Variants in WDR59 observed in about 807,000 individuals in gnomAD.
WDR59 encodes WD repeat domain 59, also known as GATOR2 complex protein WDR59.
A neutral mutation model predicts 131.2 loss-of-function variants in WDR59; 100 were observed. That is an observed-to-expected ratio of 0.76 (90% CI 0.65 to 0.90). The LOEUF is 0.90. WDR59 is among the 40% of genes least tolerant of loss of function. The pLI is 0.00. For missense variants in WDR59, 1,203 were observed against 1,262.2 expected (o/e 0.95, Z 0.71); for synonymous variants, 601 against 466.2 (o/e 1.29, Z -3.72).
intron 25 of WDR59, among the ~76,000 whole-genome samples, chr16:74,882,932 A>G (rs1192498834): frequency 6.7e-6 from 1 of 149,026 alleles, no homozygotes; most frequent in African/African-American, 2.4e-5. Flanking sequence ...TACAAAACCC[A>G]GCATTCCCTG....
At chr16:74,887,943 C>T (rs1265993891) in intron 22 of WDR59, among the ~76,000 whole-genome samples, 188 bp from the exon 23 acceptor site, 3 of 152,028 alleles carry the variant, frequency 2.0e-5, no homozygotes, top group Non-Finnish European at 4.4e-5. Flanking sequence ...CATGGTGAAA[C>T]CTCATCTCTA....
At chr16:74,903,464 G>C (rs1480643721) in intron 18 of WDR59, among the ~76,000 whole-genome samples, 3 of 150,772 alleles carry the variant, frequency 2.0e-5, no homozygotes, top group Non-Finnish European at 4.4e-5. Context: ...GGTCCACTCA[G>C]ATAGGTATTT....
chr16:74,968,636 G>A lies in WDR59; in HGVS notation c.55-2814C>T, dbSNP rs532696257. On this transcript the variant is annotated intron_variant, in intron 1 of 25. Transcript: ENST00000262144. ...CTCAGGAGGCTGAGGTAGGAGGATCGCTTGAACCCAGGAAGTGGAGGCTGC... is the reference window on the plus strand; with the variant it reads ...CTCAGGAGGCTGAGGTAGGAGGATCACTTGAACCCAGGAAGTGGAGGCTGC... Among the ~76,000 whole-genome samples, 721 of 152,140 alleles carry A rather than the reference G, an allele frequency of 4.7e-3. 1 individual carries two copies. Among genetic ancestry groups the A allele is most frequent in the Non-Finnish European group, 7.9e-3 (537 of 67,994 alleles).
rs571669521 is a variant in WDR59 at position 74,886,784 on chromosome 16, G to A, written c.2420-388C>T. Among the ~76,000 whole-genome samples the A allele has an allele frequency of 1.3e-4, 20 of 151,992 alleles. 1 individual carries two copies. In the South Asian group the frequency reaches 3.5e-3, roughly 27 times the overall value. On this transcript the variant is annotated intron_variant, in intron 23 of 25. Transcript: ENST00000262144. The stretch of plus-strand genomic sequence containing the variant: ...AAAAAAATACAAAAATTAGCTGGGC[G>A]TACTGGTGCGTGCCTGCAATCCCAG...
At chr16:74,905,871 G>C (rs1965782778) in intron 17 of WDR59, among the ~76,000 whole-genome samples, 1 of 151,930 alleles carries the variant, frequency 6.6e-6, no homozygotes, top group Admixed American at 6.6e-5. Context: ...AACCAAAATA[G>C]ATAACAACCA....
rs752321244 is a variant in WDR59 at position 74,904,045 on chromosome 16, G to A, written c.1768C>T (p.Arg590Cys). 4 of 1,613,200 alleles carry A rather than the reference G, an allele frequency of 2.5e-6. No homozygotes were observed. The highest frequency in any genetic ancestry group is 2.5e-6 in the Non-Finnish European group (3 of 1,179,764). The change falls in exon 18 of 26, where the codon CGC becomes TGC. Residue 590 changes from arginine to cysteine, a missense_variant. Transcript: ENST00000262144. ...CGAAGGTTCCCAGGGGCCTCTGTGCGGATCTTCATGGGCGCGATCAAGCCA... is the reference window on the plus strand; with the variant it reads ...CGAAGGTTCCCAGGGGCCTCTGTGCAGATCTTCATGGGCGCGATCAAGCCA... ...HTGLIAPMKI[R>C]TEAPGNLRLY... is the part of the protein sequence containing the mutation.
intron 1 of WDR59, chr16:74,978,908 A>G (rs7198405): frequency 1 from 152,006 of 152,290 alleles, 75,861 homozygotes; most frequent in Middle Eastern, 1. Context: ...GTAGGCAGCC[A>G]CCGTGGGTCT....
intron 2 of WDR59, 116 bp from the exon 3 acceptor site, chr16:74,956,726 A>C: frequency 7.9e-7 from 1 of 1,268,188 alleles, no homozygotes; most frequent in Non-Finnish European, 1.1e-6. Context: ...AAAAACCCAA[A>C]CACACATGGC....
rs746574195 is a variant in WDR59, at chr16:74,970,495, C to CAAAAAAAAAAA, written c.55-4684_55-4674dup. 5.3e-3 allele frequency among the ~76,000 whole-genome samples: 175 copies of CAAAAAAAAAAA among 33,256 alleles called. 32 individuals are homozygous for CAAAAAAAAAAA. Among genetic ancestry groups the CAAAAAAAAAAA allele is most frequent in the Non-Finnish European group, 8.0e-3 (125 of 15,570 alleles). 21.8% of individuals were successfully genotyped at this position (33,256 alleles called of 152,430 possible). ...GGGTGACAGAGAGAGACTCTGTCTC[C>CAAAAAAAAAAA]AAAAAAAAAAAAAAAAAAAAAAAAA... On this transcript the variant is annotated intron_variant, in intron 1 of 25. Transcript: ENST00000262144.
intron 2 of WDR59, chr16:74,959,377 A>G: frequency 6.4e-6 from 2 of 314,484 alleles, no homozygotes; most frequent in Non-Finnish European, 1.3e-5. Flanking sequence ...CTACCCACTT[A>G]AAGAGAGATG....
At chr16:74,926,332 A>ATAGCGC (rs1567727358) in intron 8 of WDR59, among the ~76,000 whole-genome samples, 2 of 152,190 alleles carry the variant, frequency 1.3e-5, no homozygotes. Context: ...TGCTGGGATT[A>ATAGCGC]TAGGCATGAG....
At chr16:74,885,120 C>T (rs74592747) in intron 25 of WDR59, among the ~76,000 whole-genome samples, 2,296 of 152,276 alleles carry the variant, frequency 0.015, 42 homozygotes, top group African/African-American at 0.05. Flanking sequence ...CTCTCATCCG[C>T]GCTGGAGTAC....
intron 8 of WDR59, among the ~76,000 whole-genome samples, chr16:74,937,944 T>C (rs1289616027): frequency 2.6e-5 from 4 of 152,276 alleles, no homozygotes; most frequent in Non-Finnish European, 4.4e-5. Flanking sequence ...AATGTGGTTA[T>C]GCTGAACAGC....
Position 74,965,766 on chromosome 16 carries a change from T to C in WDR59, c.104+7A>G, listed in dbSNP as rs1419800647. 2 of 1,614,032 alleles carry C rather than the reference T, an allele frequency of 1.2e-6. No individual in the cohort carries two copies. Among genetic ancestry groups the C allele is most frequent in the Non-Finnish European group, 1.7e-6 (2 of 1,179,990 alleles). On this transcript the variant is annotated splice_region_variant and intron_variant, in intron 2 of 25. Transcript: ENST00000262144. ...TCATGGCAGACAAACTCGGCAAGCTTACTTACCCAGAAAGCACTGCATGCT... is the reference window on the plus strand; with the variant it reads ...TCATGGCAGACAAACTCGGCAAGCTCACTTACCCAGAAAGCACTGCATGCT...
At chr16:74,960,448 T>G (rs1253103953) in intron 2 of WDR59, among the ~76,000 whole-genome samples, 1 of 149,706 alleles carries the variant, frequency 6.7e-6, no homozygotes, top group Non-Finnish European at 1.5e-5. Context: ...CAAGAAAGAA[T>G]GAGAAGAGAA....
At chr16:74,910,757 G>C (rs1333650915) in intron 14 of WDR59, among the ~76,000 whole-genome samples, 2 of 152,278 alleles carry the variant, frequency 1.3e-5, no homozygotes, top group East Asian at 3.9e-4. Flanking sequence ...CTACTGCTGA[G>C]TCATCGCCAA....
intron 10 of WDR59, among the ~76,000 whole-genome samples, chr16:74,918,385 G>A (rs1966494054): frequency 6.6e-6 from 1 of 152,228 alleles, no homozygotes; most frequent in Non-Finnish European, 1.5e-5. Context: ...GAGCGATGCT[G>A]GGATTTAATG....
At chr16:74,983,387 C>T (rs1044914493) in intron 1 of WDR59, among the ~76,000 whole-genome samples, 1 of 151,806 alleles carries the variant, frequency 6.6e-6, no homozygotes, top group African/African-American at 2.4e-5. Flanking sequence ...GCACAAGAAT[C>T]GTTTGAACCT....
chr16:74,895,922 C>T (rs1449622734), intron 18 of WDR59, among the ~76,000 whole-genome samples: 1 of 152,138 alleles, frequency 6.6e-6, no homozygotes, highest in East Asian at 1.9e-4. Context: ...CCTGCAGTGA[C>T]AGTGAACAGC....
Sources: allele counts gnomAD v4.1 joint callset (sites outside exome capture counted in the v4.1 genomes callset), GRCh38; gene constraint gnomAD v4.1.1; transcripts MANE v1.5; gene names NCBI Gene and HGNC (gene_info 2026-07-23, HGNC 2026-07-21).